SNTB1: variants seen among roughly 807,000 people sequenced by gnomAD.
The protein encoded by SNTB1 is beta-1-syntrophin.
Under a neutral mutation model 48.9 loss-of-function variants are expected in SNTB1, and 36 were observed. That is an observed-to-expected ratio of 0.74 (90% CI 0.56 to 0.97). The LOEUF is 0.97. Among genes scored for constraint, SNTB1 ranks in the 50% least tolerant of loss-of-function variants. The pLI is 0.00. For synonymous variants in SNTB1, 299 were observed against 294.6 expected (o/e 1.01, Z -0.15); for missense variants, 786 against 703.4 (o/e 1.12, Z -1.33).
rs187621764 is a variant in SNTB1 at position 120,552,802 on chromosome 8, C to T, written c.1137-3844G>A. On this transcript the variant is annotated intron_variant, in intron 4 of 6. Coordinates refer to ENST00000517992, the MANE Select transcript of SNTB1 (RefSeq NM_021021.4). Reference sequence around the variant, plus strand: ...GTGCACTTTATTGCTATTATTATTACATTGTAATATATAATGAAATAATTA... The same window carrying T: ...GTGCACTTTATTGCTATTATTATTATATTGTAATATATAATGAAATAATTA... Among the ~76,000 whole-genome samples, 1,092 of 152,166 alleles carry T rather than the reference C, an allele frequency of 7.2e-3. 6 individuals carry two copies. Among genetic ancestry groups the T allele is most frequent in the African/African-American group, 0.019 (799 of 41,502 alleles).
intron 3 of SNTB1, among the ~76,000 whole-genome samples, chr8:120,599,807 A>G (rs1034292326): frequency 3.3e-5 from 5 of 152,244 alleles, no homozygotes; most frequent in African/African-American, 1.2e-4. Flanking sequence ...TGCAAAAGTC[A>G]TAGCTATTCA....
intron 3 of SNTB1, among the ~76,000 whole-genome samples, chr8:120,599,745 G>A (rs1312858798): frequency 6.6e-6 from 1 of 152,064 alleles, no homozygotes; most frequent in Non-Finnish European, 1.5e-5. Flanking sequence ...GGAAATAACT[G>A]TTTTTTTAAA....
intron 1 of SNTB1, among the ~76,000 whole-genome samples, chr8:120,733,688 G>T (rs989713173): frequency 6.6e-6 from 1 of 152,102 alleles, no homozygotes; most frequent in Admixed American, 6.5e-5. Flanking sequence ...AGATTTCAGG[G>T]TTTTCATTGA....
intron 3 of SNTB1, among the ~76,000 whole-genome samples, chr8:120,609,946 C>G (rs773087016): frequency 6.6e-6 from 1 of 152,320 alleles, no homozygotes; most frequent in East Asian, 1.9e-4. Flanking sequence ...AAGGGTACCA[C>G]AGGTGAGATT....
intron 5 of SNTB1, among the ~76,000 whole-genome samples, chr8:120,548,028 C>T (rs555131751): frequency 9.2e-5 from 14 of 152,212 alleles, no homozygotes; most frequent in Non-Finnish European, 1.6e-4. Flanking sequence ...GTCTTGGGGG[C>T]GGATCCTTCA....
intron 1 of SNTB1, among the ~76,000 whole-genome samples, chr8:120,704,691 A>G (rs1310912096): frequency 6.6e-6 from 1 of 152,180 alleles, no homozygotes; most frequent in East Asian, 1.9e-4. Flanking sequence ...TAGATGAGGT[A>G]CATAATAGGT....
chr8:120,739,113 G>C (rs1587126586), intron 1 of SNTB1, among the ~76,000 whole-genome samples: 1 of 152,178 alleles, frequency 6.6e-6, no homozygotes, highest in African/African-American at 2.4e-5. Context: ...CCAGGCAAAT[G>C]TTTACTGAAA....
intron 4 of SNTB1, among the ~76,000 whole-genome samples, chr8:120,553,925 G>C (rs1010870778): frequency 6.6e-6 from 1 of 152,168 alleles, no homozygotes; most frequent in East Asian, 1.9e-4. Context: ...TTGAACCCAG[G>C]AGGCAGAGGT....
chr8:120,541,742 G>T, intron 6 of SNTB1, 68 bp downstream of exon 6: 1 of 1,150,952 alleles, frequency 8.7e-7, no homozygotes, highest in Non-Finnish European at 1.2e-6. Flanking sequence ...TAAGAGTAAG[G>T]CAGCATTATG....
intron 2 of SNTB1, among the ~76,000 whole-genome samples, chr8:120,650,965 T>C (rs1817402760): frequency 6.6e-6 from 1 of 152,188 alleles, no homozygotes; most frequent in Non-Finnish European, 1.5e-5. Flanking sequence ...TTACTTAAAC[T>C]CCCTAAGCCT....
chr8:120,624,654 T>C (rs1430310832), intron 3 of SNTB1, among the ~76,000 whole-genome samples: 1 of 152,126 alleles, frequency 6.6e-6, no homozygotes, highest in African/African-American at 2.4e-5. Flanking sequence ...ATTCATTCCA[T>C]CCCAATAGTC....
intron 3 of SNTB1, among the ~76,000 whole-genome samples, chr8:120,616,913 C>A (rs1020731856): frequency 1.3e-5 from 2 of 152,166 alleles, no homozygotes; most frequent in African/African-American, 2.4e-5. Context: ...TGAAAGGGAA[C>A]GTGGCTCCTG....
intron 2 of SNTB1, among the ~76,000 whole-genome samples, chr8:120,687,172 GA>G (rs1175869868): frequency 6.6e-6 from 1 of 152,178 alleles, no homozygotes; most frequent in Non-Finnish European, 1.5e-5. Flanking sequence ...GAGAAAGGCT[GA>G]ACTGGTAAAA....
At chr8:120,792,130 CAT>C (rs941426338) in intron 1 of SNTB1, among the ~76,000 whole-genome samples, 1 of 151,476 alleles carries the variant, frequency 6.6e-6, no homozygotes, top group African/African-American at 2.4e-5. Context: ...CCCACACACA[CAT>C]ACATACACCC....
intron 1 of SNTB1, among the ~76,000 whole-genome samples, chr8:120,797,275 A>T (rs1221050119): frequency 6.6e-6 from 1 of 152,092 alleles, no homozygotes; most frequent in African/African-American, 2.4e-5. Flanking sequence ...CTGTGACGTT[A>T]AAATTTTAAA....
rs542904701 is a variant in SNTB1 at position 120,555,390 on chromosome 8, CTT to C, written c.1137-6434_1137-6433del. Among the ~76,000 whole-genome samples the C allele has an allele frequency of 3.5e-3, 535 of 152,288 alleles. 3 individuals are homozygous for C. Among genetic ancestry groups the C allele is most frequent in the Admixed American group, 8.2e-3 (125 of 15,290 alleles). On this transcript the variant is annotated intron_variant, in intron 4 of 6. Coordinates refer to ENST00000517992, the MANE Select transcript of SNTB1 (RefSeq NM_021021.4). ...CACAGATTGGTTCCATCAGGTATGA[CTT>C]TTACATACTGCAGGGAAGGGCTGCT...
chr8:120,562,789 G>A (rs1815682794), intron 4 of SNTB1, among the ~76,000 whole-genome samples: 1 of 152,026 alleles, frequency 6.6e-6, no homozygotes, highest in Admixed American at 6.5e-5. Flanking sequence ...GGTTAATTGT[G>A]GGCAACCTGG....
At chr8:120,622,729 G>T (rs1816813109) in intron 3 of SNTB1, among the ~76,000 whole-genome samples, 2 of 152,040 alleles carry the variant, frequency 1.3e-5, no homozygotes, top group African/African-American at 4.8e-5. Flanking sequence ...CCACCTAAAG[G>T]TCCCATATAC....
chr8:120,801,537 T>G (rs1287127916), intron 1 of SNTB1, among the ~76,000 whole-genome samples: 1 of 152,154 alleles, frequency 6.6e-6, no homozygotes, highest in Admixed American at 6.6e-5. Context: ...ATGAAAATTT[T>G]GCTTCAATCT....
Sources: allele counts gnomAD v4.1 joint callset (sites outside exome capture counted in the v4.1 genomes callset), GRCh38; gene constraint gnomAD v4.1.1; transcripts MANE v1.5; gene names NCBI Gene and HGNC (gene_info 2026-07-23, HGNC 2026-07-21).